EPS8: variants seen among roughly 807,000 people sequenced by gnomAD.
EPS8 encodes the protein epidermal growth factor receptor kinase substrate 8.
Under a neutral mutation model 103.8 loss-of-function variants are expected in EPS8, and 42 were observed. The observed-to-expected ratio is 0.40, with a 90% CI of 0.32 to 0.52. The LOEUF is 0.52. EPS8 is among the 20% of genes least tolerant of loss of function. The probability of loss-of-function intolerance (pLI) is 0.40; values close to 1 mark genes in which losing one functional copy is unlikely to be tolerated. For synonymous variants in EPS8, 344 were observed against 344.6 expected, an observed-to-expected ratio of 1.00 and a Z score of 0.02; for missense variants, 969 against 1,005.1, an observed-to-expected ratio of 0.96 and a Z score of 0.49.
chr12:15,658,232 G>A, intron 11 of EPS8, 79 bp from the exon 12 acceptor site: 1 of 924,532 alleles, frequency 1.1e-6, no homozygotes, highest in Admixed American at 2.0e-5. Flanking sequence ...AGACACAGAG[G>A]GGACGGTCTT....
chr12:15,711,513 G>A (rs1368992838), intron 1 of EPS8, among the ~76,000 whole-genome samples: 1 of 152,140 alleles, frequency 6.6e-6, no homozygotes, highest in Non-Finnish European at 1.5e-5. Flanking sequence ...TCTTACTAAA[G>A]GTGGGGACAG....
In EPS8 at chr12:15,658,568, G is replaced by A. The variant is rs140714218; in HGVS notation, c.955C>T (p.Arg319Trp). Residue 319 changes from arginine (R) to tryptophan (W), a missense_variant, in exon 11 of 21, where the codon CGG (arginine) becomes TGG (tryptophan). Coordinates refer to ENST00000281172, the MANE Select transcript of EPS8 (RefSeq NM_004447.6). ...TCATCAGGAGGTGGAGGTTTTGCCC[G>A]CAGCGTTAAAACACCCTCTAATGAA... The part of the protein sequence containing the change: ...KGPGEGVLTL[R>W]AKPPPPDEFL... The A allele has an allele frequency of 6.8e-6, 11 of 1,611,950 alleles. No homozygotes were observed. The highest frequency in any genetic ancestry group is 1.1e-5 in the South Asian group (1 of 90,954).
chr12:15,788,396 G>A (rs1342670610), intron 1 of EPS8, among the ~76,000 whole-genome samples: 1 of 152,152 alleles, frequency 6.6e-6, no homozygotes, highest in Admixed American at 6.5e-5. Context: ...CAGTACTACG[G>A]GCCCTATGGG....
At chr12:15,672,779 T>G (rs987755381) in intron 3 of EPS8, among the ~76,000 whole-genome samples, 1 of 152,190 alleles carries the variant, frequency 6.6e-6, no homozygotes, top group Non-Finnish European at 1.5e-5. Context: ...TAATCACTAT[T>G]TCAGAGTCAC....
rs536467641 is a variant in EPS8 at position 15,660,532 on chromosome 12, G to A, written c.937+82C>T. On this transcript the variant is annotated intron_variant, in intron 10 of 20. Transcript: ENST00000281172. ...ACCCGCCTCGGCCTCCCAAAGTGCT[G>A]GGATTACAGGTGTGAGCCACTGCGC... 1.3e-4 allele frequency: 99 copies of A among 767,996 alleles called. 2 individuals are homozygous for A. The South Asian group carries it at 1.4e-3, about 11-fold the overall frequency. 47.6% of individuals were successfully genotyped at this position (767,996 alleles called of 1,614,324 possible).
rs937409126 is a variant in EPS8 at position 15,714,017 on chromosome 12, A to C, written c.-21-31045T>G. On this transcript the variant is annotated intron_variant, in intron 1 of 20. Transcript: ENST00000281172. The surrounding 1 kb of genome is among the most constrained non-coding windows in gnomAD (Gnocchi z 4.1). ...TAAAGTATCTAGAAGAAACAAACAC[A>C]AAACTATTTTAAAGTGATGAGAGGT... Among the ~76,000 whole-genome samples the C allele has an allele frequency of 6.6e-6, 1 of 152,180 alleles. No individual in the cohort carries two copies. Among genetic ancestry groups the C allele is most frequent in the African/African-American group, 2.4e-5 (1 of 41,450 alleles).
At position 15,731,362 on chromosome 12, in the gene EPS8, A is replaced by C. The variant is rs975203016; in HGVS notation, c.-21-48390T>G. 6.6e-6 allele frequency among the ~76,000 whole-genome samples: 1 copy of C among 152,144 alleles called. No homozygotes were observed. Among genetic ancestry groups the C allele is most frequent in the Admixed American group, 6.5e-5 (1 of 15,276 alleles). ...TGCCCAGGCTGAAGTGCAATGGCAC[A>C]ATCTCGGCTCACTGCAACCTCAGCT... On this transcript the variant is annotated intron_variant, in intron 1 of 20. Transcript: ENST00000281172. This position sits in a 1 kb window ranked among gnomAD's most constrained non-coding sequence, Gnocchi z 5.1.
chr12:15,661,182 G>C (rs1027299046), intron 9 of EPS8, among the ~76,000 whole-genome samples: 7 of 152,070 alleles, frequency 4.6e-5, no homozygotes, highest in African/African-American at 1.7e-4. Flanking sequence ...AGCTAGTCTA[G>C]GATACTAAGC....
chr12:15,682,969 T>A lies in EPS8; in HGVS notation c.-18A>T. On this transcript the variant is annotated 5_prime_UTR_variant, in exon 2 of 21. Coordinates refer to ENST00000281172, the MANE Select transcript of EPS8 (RefSeq NM_004447.6). ...CCATTCATTGTGTCTTTCACTTGTG[T>A]GTTCTAAAAAAAGAAAGACACATAG... 6.4e-7 allele frequency: 1 copy of A among 1,550,698 alleles called. No individual in the cohort carries two copies. Among genetic ancestry groups the A allele is most frequent in the Non-Finnish European group, 8.7e-7 (1 of 1,146,440 alleles).
intron 13 of EPS8, among the ~76,000 whole-genome samples, chr12:15,652,997 C>T (rs1472062336): frequency 6.6e-6 from 1 of 152,158 alleles, no homozygotes; most frequent in Non-Finnish European, 1.5e-5. Context: ...GATTTATTTA[C>T]AATCATGAAA....
Position 15,638,423 on chromosome 12 carries a change from A to T in EPS8, c.1821+2280T>A, listed in dbSNP as rs181023755. On this transcript the variant is annotated intron_variant, in intron 17 of 20. Transcript: ENST00000281172. The stretch of plus-strand genomic sequence containing the variant: ...GTGGTTTTGTTGAGCTCAGCCCAAA[A>T]TTTTCAGGAGGTGTTAAAAAGCAGA... Among the ~76,000 whole-genome samples, 160 of 152,230 alleles carry T rather than the reference A, an allele frequency of 1.1e-3. 1 individual carries two copies. In the Middle Eastern group the frequency reaches 0.014, roughly 13 times the overall value.
intron 12 of EPS8, among the ~76,000 whole-genome samples, chr12:15,657,307 T>C (rs1247694978): frequency 6.6e-6 from 1 of 152,270 alleles, no homozygotes; most frequent in East Asian, 1.9e-4. Flanking sequence ...CAATGACATC[T>C]TCTCAGTGAG....
intron 1 of EPS8, among the ~76,000 whole-genome samples, chr12:15,768,210 C>T (rs913696103): frequency 4.6e-5 from 7 of 151,754 alleles, no homozygotes; most frequent in African/African-American, 1.2e-4. Flanking sequence ...GAGGCCAAGG[C>T]GGGTGGATCA....
At position 15,688,946 on chromosome 12, in the gene EPS8, G is replaced by A. The variant is rs1471676098; in HGVS notation, c.-21-5974C>T. Among the ~76,000 whole-genome samples, 1 of 152,094 alleles carries A rather than the reference G, an allele frequency of 6.6e-6. No individual in the cohort carries two copies. The highest frequency in any genetic ancestry group is 2.4e-5 in the African/African-American group (1 of 41,430). ...ACATTCACTCCTAGACACTGCTGTG[G>A]GATTGGAACCTCACAGCCTGCCAGT... On this transcript the variant is annotated intron_variant, in intron 1 of 20. Coordinates refer to ENST00000281172, the MANE Select transcript of EPS8 (RefSeq NM_004447.6). The surrounding 1 kb of genome is among the most constrained non-coding windows in gnomAD (Gnocchi z 5.1).
intron 12 of EPS8, 85 bp downstream of exon 12, chr12:15,657,994 A>T (rs1181484419): frequency 2.5e-6 from 2 of 802,028 alleles, no homozygotes; most frequent in Admixed American, 2.1e-5. Context: ...GGTAATGAAG[A>T]AAAGCAGTCT....
chr12:15,683,272 C>T, intron 1 of EPS8: 1 of 180,294 alleles, frequency 5.5e-6, no homozygotes, highest in Non-Finnish European at 1.1e-5. Context: ...TACATTCTGC[C>T]CAAACTCATA....
At chr12:15,668,559 T>C (rs1591837580) in intron 6 of EPS8, among the ~76,000 whole-genome samples, 1 of 152,236 alleles carries the variant, frequency 6.6e-6, no homozygotes, top group African/African-American at 2.4e-5. Context: ...ATTATAATCA[T>C]TTGAAATTAC....
chr12:15,737,676 C>T (rs1946779584), intron 1 of EPS8, among the ~76,000 whole-genome samples: 1 of 152,148 alleles, frequency 6.6e-6, no homozygotes, highest in Non-Finnish European at 1.5e-5. Flanking sequence ...AACAGAAAGT[C>T]CGGCTTCAGA....
chr12:15,683,726 C>T (rs1946047575), intron 1 of EPS8: 1 of 151,794 alleles, frequency 6.6e-6, no homozygotes. Context: ...GTAAAACTTC[C>T]TCTTTACCAA....
Sources: allele counts gnomAD v4.1 joint callset (sites outside exome capture counted in the v4.1 genomes callset), GRCh38; gene constraint gnomAD v4.1.1; non-coding constraint Gnocchi (gnomAD v3.1); transcripts MANE v1.5; gene names NCBI Gene and HGNC (gene_info 2026-07-23, HGNC 2026-07-21).